SMG6: variants seen among roughly 807,000 people sequenced by gnomAD.
SMG6 encodes the protein SMG6 nonsense mediated mRNA decay factor.
In SMG6, 66 loss-of-function variants were observed where a neutral mutation model predicts 142.2. The observed-to-expected ratio is 0.46, with a 90% CI of 0.38 to 0.57. The LOEUF (loss-of-function observed/expected upper bound fraction) is 0.57. Among genes scored for constraint, SMG6 ranks in the 20% least tolerant of loss-of-function variants. The pLI, the probability that SMG6 is intolerant of heterozygous loss-of-function variation, is 0.00. For missense variants in SMG6, 1,793 were observed against 1,832.0 expected, an observed-to-expected ratio of 0.98 and a Z score of 0.39; for synonymous variants, 779 against 702.4, an observed-to-expected ratio of 1.11 and a Z score of -1.72.
At chr17:2,128,038 T>C in intron 13 of SMG6, 1 of 427,304 alleles carries the variant, frequency 2.3e-6, no homozygotes, top group Non-Finnish European at 4.5e-6. Context: ...AGAGCTGAAA[T>C]CTCTCCTGTG....
At chr17:2,092,876 T>A (rs2068761698) in intron 13 of SMG6, among the ~76,000 whole-genome samples, 1 of 152,180 alleles carries the variant, frequency 6.6e-6, no homozygotes, top group African/African-American at 2.4e-5. Context: ...TGAGCCTTTG[T>A]TTGCTCAAGT....
intron 6 of SMG6, among the ~76,000 whole-genome samples, chr17:2,291,963 T>C (rs2075048625): frequency 6.6e-6 from 1 of 152,050 alleles, no homozygotes; most frequent in Non-Finnish European, 1.5e-5. Flanking sequence ...ACTTTCCCCC[T>C]TGAATTGAGC....
intron 8 of SMG6, among the ~76,000 whole-genome samples, chr17:2,259,443 G>C (rs1183649846): frequency 6.6e-6 from 1 of 152,098 alleles, no homozygotes; most frequent in Non-Finnish European, 1.5e-5. Flanking sequence ...AGTAGCTCAT[G>C]CCTGTAAGAG....
intron 17 of SMG6, 52 bp downstream of exon 17, chr17:2,065,416 C>G (rs1376086638): frequency 1.3e-6 from 2 of 1,558,618 alleles, no homozygotes; most frequent in Non-Finnish European, 1.8e-6. Context: ...TTCCTGGAGA[C>G]CTTGTTCTGG....
intron 13 of SMG6, among the ~76,000 whole-genome samples, chr17:2,145,085 A>G (rs894138724): frequency 1.3e-5 from 2 of 152,054 alleles, no homozygotes; most frequent in African/African-American, 2.4e-5. Context: ...GCGTTATATT[A>G]TAGTTAGCAT....
At chr17:2,202,100 A>C (rs2072545632) in intron 10 of SMG6, among the ~76,000 whole-genome samples, 1 of 152,260 alleles carries the variant, frequency 6.6e-6, no homozygotes. Flanking sequence ...AAATGAAAGC[A>C]TACATGCACG....
rs117268475 is a variant in SMG6, at chr17:2,221,874, G to A, written c.2869+14618C>T. ...GTCTCCTGCCTCAGCCTCCCAAGTA[G>A]CTGGGATTACTACCATGCCTGGCTA... On this transcript the variant is annotated intron_variant, in intron 10 of 18. Transcript: ENST00000263073. Among the ~76,000 whole-genome samples, 1,350 of 152,258 alleles carry A rather than the reference G, an allele frequency of 8.9e-3. 10 individuals are homozygous for A. The highest frequency in any genetic ancestry group is 0.027 in the Middle Eastern group (8 of 294).
intron 8 of SMG6, among the ~76,000 whole-genome samples, chr17:2,279,622 A>T (rs1567742763): frequency 6.6e-6 from 1 of 152,180 alleles, no homozygotes; most frequent in Non-Finnish European, 1.5e-5. Flanking sequence ...GGCAGCAATG[A>T]GAAAGGAGAG....
chr17:2,069,706 C>T (rs777460978), intron 15 of SMG6, among the ~76,000 whole-genome samples: 4 of 152,316 alleles, frequency 2.6e-5, no homozygotes, highest in Admixed American at 1.3e-4. Flanking sequence ...CAGCAGCAGC[C>T]GAAGTCCGTG....
chr17:2,297,425 G>T, intron 3 of SMG6, 72 bp from the exon 4 acceptor site: 1 of 1,137,070 alleles, frequency 8.8e-7, no homozygotes, highest in Non-Finnish European at 1.3e-6. Flanking sequence ...AACCGGGGCA[G>T]ACAACCCTTT....
In SMG6 at chr17:2,061,381, T is replaced by G; in HGVS notation, c.*111A>C. ...GCGTGGGTTGGAAGAGGATGGTTTA[T>G]TGTCTGGGTGGATTGGTGGCTCAGG... is the stretch of plus-strand genomic sequence containing the variant. On this transcript the variant is annotated 3_prime_UTR_variant, in exon 19 of 19. Transcript: ENST00000263073. The G allele has an allele frequency of 9.2e-7, 1 of 1,081,498 alleles. No individual in the cohort carries two copies. The highest frequency in any genetic ancestry group is 1.3e-6 in the Non-Finnish European group (1 of 759,694). 67.0% of individuals were successfully genotyped at this position (1,081,498 alleles called of 1,614,324 possible). A position where few individuals can be genotyped will look rare whatever the true frequency, so the allele number is the denominator to read the frequency against.
intron 10 of SMG6, among the ~76,000 whole-genome samples, chr17:2,219,372 G>A (rs546998034): frequency 1.2e-4 from 19 of 152,174 alleles, no homozygotes; most frequent in African/African-American, 3.9e-4. Flanking sequence ...GCGGCAGAGC[G>A]AGACTCTGCC....
intron 8 of SMG6, among the ~76,000 whole-genome samples, chr17:2,269,265 C>G (rs2074495214): frequency 6.7e-6 from 1 of 149,898 alleles, no homozygotes; most frequent in Non-Finnish European, 1.5e-5. Flanking sequence ...GTGGTAGGTG[C>G]CTGTAATCCC....
At chr17:2,084,000 GA>G (rs1023201601) in intron 14 of SMG6, among the ~76,000 whole-genome samples, 2 of 151,840 alleles carry the variant, frequency 1.3e-5, no homozygotes, top group African/African-American at 4.8e-5. Context: ...CTTAGAACGA[GA>G]AAAAAAAGTG....
intron 13 of SMG6, among the ~76,000 whole-genome samples, chr17:2,155,930 A>G (rs2151611362): frequency 6.6e-6 from 1 of 152,274 alleles, no homozygotes; most frequent in African/African-American, 2.4e-5. Flanking sequence ...TTTCTGCTCA[A>G]TCTTATTCAC....
At chr17:2,253,538 G>A (rs141224200) in intron 8 of SMG6, among the ~76,000 whole-genome samples, 3 of 152,232 alleles carry the variant, frequency 2.0e-5, no homozygotes, top group African/African-American at 4.8e-5. Flanking sequence ...TACCACACAC[G>A]TGTACTGGAA....
chr17:2,250,575 C>G (rs774269739), intron 8 of SMG6, among the ~76,000 whole-genome samples: 1 of 151,744 alleles, frequency 6.6e-6, no homozygotes, highest in Non-Finnish European at 1.5e-5. Context: ...TTTGTAGAGA[C>G]GGGGTCTCAC....
intron 12 of SMG6, among the ~76,000 whole-genome samples, chr17:2,185,238 G>T (rs867494102): frequency 6.6e-6 from 1 of 152,034 alleles, no homozygotes; most frequent in Non-Finnish European, 1.5e-5. Context: ...CAGGCACACG[G>T]AAAGACCCCT....
chr17:2,207,222 T>C (rs1251270212), intron 10 of SMG6, among the ~76,000 whole-genome samples: 2 of 151,646 alleles, frequency 1.3e-5, no homozygotes, highest in Non-Finnish European at 2.9e-5. Flanking sequence ...CAGGAAGCAG[T>C]GAGCCGAGGC....
Sources: gnomAD v4.1 joint callset for allele counts (sites outside exome capture counted in the v4.1 genomes callset) on GRCh38, gnomAD v4.1.1 for gene constraint, MANE v1.5 for transcripts, NCBI Gene and HGNC (gene_info 2026-07-23, HGNC 2026-07-21) for gene names.